The following YEATS2 variants were observed in gnomAD, a reference collection of about 807,000 sequenced individuals.
YEATS2 encodes the protein YEATS domain containing 2.
A neutral mutation model predicts 163.2 loss-of-function variants in YEATS2; 77 were observed. The ratio of observed to expected loss-of-function variants is 0.47; its 90% CI spans 0.39 to 0.57. The LOEUF is 0.57. YEATS2 is among the 20% of genes least tolerant of loss of function. The pLI is 0.00. For missense variants in YEATS2, 1,549 were observed against 1,729.8 expected, an observed-to-expected ratio of 0.90 and a Z score of 1.85; for synonymous variants, 631 against 645.1, an observed-to-expected ratio of 0.98 and a Z score of 0.33.
chr3:183,751,634 C>G (rs956585992), intron 9 of YEATS2, among the ~76,000 whole-genome samples: 3 of 152,152 alleles, frequency 2.0e-5, no homozygotes, highest in Non-Finnish European at 4.4e-5. Flanking sequence ...AAAATTACTT[C>G]AGTTACAAAT....
At chr3:183,710,804 G>A (rs1278271933) in intron 1 of YEATS2, among the ~76,000 whole-genome samples, 1 of 152,154 alleles carries the variant, frequency 6.6e-6, no homozygotes, top group Non-Finnish European at 1.5e-5. Flanking sequence ...TACTTGGAAG[G>A]TAGGATAAGA....
Position 183,798,004 on chromosome 3 carries a change from T to C in YEATS2, c.3179T>C (p.Val1060Ala). 1.2e-6 allele frequency: 2 copies of C among 1,614,138 alleles called. No homozygotes were observed. Among genetic ancestry groups the C allele is most frequent in the Non-Finnish European group, 1.7e-6 (2 of 1,180,002 alleles). The part of the protein sequence containing the change: ...TIPSQLKPLS[V>A]NTSGGVQTIL... ...CCCAGCCAGCTCAAACCACTCAGCG[T>C]AAACACATCTGGAGGGGTGCAGACG... is the stretch of plus-strand genomic sequence containing the variant. The change falls in exon 22 of 31, where the codon GTA (valine) becomes GCA (alanine). Residue 1060 changes from valine (V) to alanine (A), a missense_variant. Val to Ala is a moderately conservative substitution (Grantham distance 64, BLOSUM62 0). Transcript: ENST00000305135.
rs1223388563 is a variant in YEATS2 at position 183,736,658 on chromosome 3, T to G, written c.813-60T>G. ...TGATTTATGCATTATCAGGAAACTTTTCCTGTGTAGGATGAGAGAGTGAAC... is the reference window on the plus strand; with the variant it reads ...TGATTTATGCATTATCAGGAAACTTGTCCTGTGTAGGATGAGAGAGTGAAC... On this transcript the variant is annotated intron_variant, in intron 7 of 30. Transcript: ENST00000305135. 2.2e-5 allele frequency: 29 copies of G among 1,289,146 alleles called. 1 individual carries two copies. In the Middle Eastern group the frequency reaches 5.8e-4, roughly 26 times the overall value. The allele number at this position is 1,289,146 out of a possible 1,614,324, so 79.9% of individuals were successfully genotyped here.
At chr3:183,738,414 T>TTTTTG (rs1221928948) in intron 8 of YEATS2, among the ~76,000 whole-genome samples, 4 of 146,810 alleles carry the variant, frequency 2.7e-5, no homozygotes, top group African/African-American at 1.0e-4. Context: ...TTTTTTTTTT[T>TTTTTG]TTAATACTTT....
Position 183,804,131 on chromosome 3 carries a change from C to T in YEATS2, c.3727C>T (p.Leu1243=), listed in dbSNP as rs1288665221. The T allele has an allele frequency of 1.2e-6, 2 of 1,614,150 alleles. No homozygotes were observed. The highest frequency in any genetic ancestry group is 2.2e-5 in the South Asian group (2 of 91,080). ...CTACACCCCACCGGACCCTGAGAGC[C>T]TGAGGAATGACGGGGACTCCATCGA... The part of the protein sequence containing the change: ...HGYTPPDPES[L]RNDGDSIEDV... The change falls in exon 27 of 31, where the codon CTG becomes TTG. Residue 1243 remains leucine (L), a synonymous_variant. Transcript: ENST00000305135.
chr3:183,765,012 A>C (rs950866817), intron 15 of YEATS2, among the ~76,000 whole-genome samples: 2 of 152,124 alleles, frequency 1.3e-5, no homozygotes, highest in Non-Finnish European at 2.9e-5. Context: ...TCATCTACTT[A>C]GGCAGCAGAT....
At chr3:183,777,763 C>A in intron 19 of YEATS2, 63 bp downstream of exon 19, 1 of 1,532,748 alleles carries the variant, frequency 6.5e-7, no homozygotes, top group Non-Finnish European at 8.8e-7. Context: ...TACATATTTA[C>A]ATGTAGTTTC....
At chr3:183,785,743 C>G (rs956615968) in intron 19 of YEATS2, among the ~76,000 whole-genome samples, 1 of 152,094 alleles carries the variant, frequency 6.6e-6, no homozygotes, top group African/African-American at 2.4e-5. Flanking sequence ...TTTAGAAGAC[C>G]ATTAACCTTA....
At position 183,806,852 on chromosome 3, in the gene YEATS2, T is replaced by G. The variant is rs976578231; in HGVS notation, c.3785-14T>G. 6.2e-7 allele frequency: 1 copy of G among 1,613,878 alleles called. No individual in the cohort carries two copies. The highest frequency in any genetic ancestry group is 1.3e-5 in the African/African-American group (1 of 75,026). ...GCCCCACAGCTGTTGTAACACTGCT[T>G]GCCTGTCATTTAGAGTGCCCATCAT... On this transcript the variant is annotated splice_polypyrimidine_tract_variant and intron_variant, in intron 27 of 30. Transcript: ENST00000305135.
chr3:183,785,989 C>T (rs1724027473), intron 19 of YEATS2, 136 bp from the exon 20 acceptor site: 3 of 957,764 alleles, frequency 3.1e-6, no homozygotes, highest in South Asian at 3.5e-5. Context: ...TGTGTAAACA[C>T]CTCATGTAGG....
chr3:183,709,704 G>C (rs1036006700), intron 1 of YEATS2, among the ~76,000 whole-genome samples: 5 of 127,144 alleles, frequency 3.9e-5, no homozygotes, highest in Admixed American at 3.2e-4. Flanking sequence ...TTGAGACAGA[G>C]TCTTGCTCTG....
chr3:183,724,314 TA>T (rs1267279717), intron 5 of YEATS2, 104 bp from the exon 6 acceptor site: 6 of 844,858 alleles, frequency 7.1e-6, no homozygotes, highest in South Asian at 1.9e-5. Context: ...TGTAATTTTT[TA>T]AAAAAACTTA....
chr3:183,767,709 GT>G (rs1305099076), intron 15 of YEATS2, among the ~76,000 whole-genome samples: 2 of 151,698 alleles, frequency 1.3e-5, no homozygotes, highest in Non-Finnish European at 2.9e-5. Flanking sequence ...TAGAGACGGG[GT>G]TTTACCATGT....
chr3:183,797,456 G>T (rs1290422813), intron 21 of YEATS2, among the ~76,000 whole-genome samples: 1 of 151,910 alleles, frequency 6.6e-6, no homozygotes. Context: ...GAGACAGGAG[G>T]ATCACTTGAG....
chr3:183,757,932 G>A (rs1312601655), intron 12 of YEATS2, among the ~76,000 whole-genome samples: 1 of 152,190 alleles, frequency 6.6e-6, no homozygotes, highest in Non-Finnish European at 1.5e-5. Flanking sequence ...TCAGCTAGAA[G>A]TCTTTGGAGG....
chr3:183,763,066 AAAAAATT>A (rs1286416423), intron 15 of YEATS2, among the ~76,000 whole-genome samples: 3 of 71,236 alleles, frequency 4.2e-5, no homozygotes, highest in African/African-American at 2.8e-4. Flanking sequence ...AATAAAAATT[AAAAAATT>A]AAAAAAAAAA....
At position 183,793,177 on chromosome 3, in the gene YEATS2, T is replaced by TACAC. The variant is rs796990400; in HGVS notation, c.3097+2206_3097+2209dup. On this transcript the variant is annotated intron_variant, in intron 21 of 30. Coordinates refer to ENST00000305135, the MANE Select transcript of YEATS2 (RefSeq NM_018023.5). ...CCGGAAAAACTGAATATCACCGAGA[T>TACAC]ACACACACACACTCACGCATGCAGA... The TACAC allele has an allele frequency of 1.2e-5, 15 of 1,287,834 alleles. No individual in the cohort carries two copies. The African/African-American group carries it at 2.3e-4, about 20-fold the overall frequency. The allele number at this position is 1,287,834 out of a possible 1,614,324, so 79.8% of individuals were successfully genotyped here.
chr3:183,714,179 G>A (rs1186606233), intron 1 of YEATS2, among the ~76,000 whole-genome samples: 1 of 151,240 alleles, frequency 6.6e-6, no homozygotes, highest in Non-Finnish European at 1.5e-5. Context: ...GACAGTAAAG[G>A]TCTAGAGGAT....
intron 24 of YEATS2, chr3:183,801,071 A>G (rs896724158): frequency 5.8e-6 from 1 of 172,562 alleles, no homozygotes; most frequent in African/African-American, 2.4e-5. Context: ...GGGACAATAG[A>G]AACTTAGCCA....
Sources: gnomAD v4.1 joint callset for allele counts (sites outside exome capture counted in the v4.1 genomes callset) on GRCh38, gnomAD v4.1.1 for gene constraint, MANE v1.5 for transcripts, NCBI Gene and HGNC (gene_info 2026-07-23, HGNC 2026-07-21) for gene names.